Variants in UNC80 observed in about 807,000 individuals in gnomAD.
UNC80 encodes the protein unc-80 subunit of NALCN channel complex, also known as protein unc-80 homolog.
In UNC80, 164 loss-of-function variants were observed where a neutral mutation model predicts 384.6. The ratio of observed to expected loss-of-function variants is 0.43; its 90% confidence interval spans 0.38 to 0.49. UNC80 has a LOEUF of 0.49. Among genes scored for constraint, UNC80 ranks in the 20% least tolerant of loss-of-function variants. The probability of loss-of-function intolerance (pLI) is 0.00; values close to 1 mark genes in which losing one functional copy is unlikely to be tolerated. For missense variants in UNC80, 3,330 were observed against 4,143.0 expected, an observed-to-expected ratio of 0.80 and a Z score of 5.39; for synonymous variants, 1,486 against 1,527.8, an observed-to-expected ratio of 0.97 and a Z score of 0.64.
Position 209,843,536 on chromosome 2 carries a change from T to C in UNC80, c.3454+1090T>C, listed in dbSNP as rs74970055. On this transcript the variant is annotated intron_variant, in intron 21 of 64. Transcript: ENST00000673920. ...TGAGGAGAATCCATTTTCAATCCTT[T>C]TACACTCTTTCCACTCCTCTTTGAG... Among the ~76,000 whole-genome samples, 205 of 151,976 alleles carry C rather than the reference T, an allele frequency of 1.3e-3. 1 individual carries two copies. In the East Asian group the frequency reaches 0.021, roughly 15 times the overall value.
At position 209,826,045 on chromosome 2, in the gene UNC80, C is replaced by G; in HGVS notation, c.2470C>G (p.Arg824Gly). 6.5e-7 allele frequency: 1 copy of G among 1,548,170 alleles called. No homozygotes were observed. Among genetic ancestry groups the G allele is most frequent in the Non-Finnish European group, 8.7e-7 (1 of 1,145,580 alleles). ...SGDRLRHQVF[R>G]ENAQNCLTKL... ...AGATCGTCTGAGACACCAGGTATTC[C>G]GAGAGAATGTAAGAGAATTAAAGTA... The change falls in exon 14 of 65, where the codon CGA becomes GGA. Residue 824 changes from arginine to glycine, a missense_variant. Physicochemically the swap from Arg to Gly is moderately radical, Grantham distance 125. Transcript: ENST00000673920.
chr2:209,901,527 A>G (rs1305886972), intron 28 of UNC80, among the ~76,000 whole-genome samples: 1 of 152,194 alleles, frequency 6.6e-6, no homozygotes, highest in African/African-American at 2.4e-5. Context: ...GCTCTGATGG[A>G]AGTGTGCAAG....
At position 209,811,719 on chromosome 2, in the gene UNC80, C is replaced by G. The variant is rs1357932814; in HGVS notation, c.939-1861C>G. Among the ~76,000 whole-genome samples the G allele has an allele frequency of 1.3e-5, 2 of 152,058 alleles. 1 individual carries two copies. On this transcript the variant is annotated intron_variant, in intron 7 of 64. Coordinates refer to ENST00000673920, the MANE Select transcript of UNC80 (RefSeq NM_001371986.1). The stretch of plus-strand genomic sequence containing the variant: ...CAGTTTATATTTATTTCCTACTTGT[C>G]AAAATATTCAAGAATATTAGACTGT...
At chr2:209,883,225 T>G (rs1252258578) in intron 25 of UNC80, among the ~76,000 whole-genome samples, 1 of 152,168 alleles carries the variant, frequency 6.6e-6, no homozygotes, top group African/African-American at 2.4e-5. Flanking sequence ...TTTCTATTTT[T>G]AAATTGTGGT....
At chr2:209,932,419 A>G (rs1310391771) in intron 38 of UNC80, among the ~76,000 whole-genome samples, 1 of 152,106 alleles carries the variant, frequency 6.6e-6, no homozygotes, top group East Asian at 1.9e-4. Flanking sequence ...GCCCTGCCAA[A>G]TTTACACTCC....
At chr2:209,875,350 A>G (rs1163591550) in intron 23 of UNC80, among the ~76,000 whole-genome samples, 2 of 152,164 alleles carry the variant, frequency 1.3e-5, no homozygotes, top group Non-Finnish European at 2.9e-5. Context: ...TGCTCAGACC[A>G]TTCCAAGATT....
intron 22 of UNC80, among the ~76,000 whole-genome samples, chr2:209,861,757 C>G (rs1023941422): frequency 1.3e-5 from 2 of 152,104 alleles, no homozygotes; most frequent in African/African-American, 4.8e-5. Flanking sequence ...GTGGTTTAGT[C>G]TTGGGAGGGC....
In UNC80 at chr2:209,959,655, G is replaced by A. The variant is rs1377472663; in HGVS notation, c.7753G>A (p.Gly2585Arg). 1.3e-6 allele frequency: 2 copies of A among 1,551,670 alleles called. No homozygotes were observed. Among genetic ancestry groups the A allele is most frequent in the Non-Finnish European group, 1.7e-6 (2 of 1,146,984 alleles). ...PRLKILQNLA[G>R]EPRVIALELL... Reference sequence around the variant, plus strand: ...GCTGAAGATCTTGCAAAATCTGGCTGGGGAGCCTCGGGTCATTGCCTTGGA... The same window carrying A: ...GCTGAAGATCTTGCAAAATCTGGCTAGGGAGCCTCGGGTCATTGCCTTGGA... The change falls in exon 51 of 65, where the codon GGG becomes AGG. Residue 2585 changes from glycine (G) to arginine (R), a missense_variant. Coordinates refer to ENST00000673920, the MANE Select transcript of UNC80 (RefSeq NM_001371986.1).
At chr2:209,850,976 G>T (rs1006712914) in intron 22 of UNC80, among the ~76,000 whole-genome samples, 1 of 151,766 alleles carries the variant, frequency 6.6e-6, no homozygotes, top group Non-Finnish European at 1.5e-5. Flanking sequence ...TGTTCCCAAA[G>T]GAGCAGATTA....
At chr2:209,804,653 T>C (rs2078772673) in intron 7 of UNC80, among the ~76,000 whole-genome samples, 1 of 151,898 alleles carries the variant, frequency 6.6e-6, no homozygotes, top group Non-Finnish European at 1.5e-5. Context: ...TCTAAGAAAC[T>C]TAAGTGCCCT....
Position 209,917,893 on chromosome 2 carries a change from A to G in UNC80, c.5146A>G (p.Thr1716Ala), listed in dbSNP as rs1277506996. 6.4e-7 allele frequency: 1 copy of G among 1,551,762 alleles called. No individual in the cohort carries two copies. Among genetic ancestry groups the G allele is most frequent in the Non-Finnish European group, 8.7e-7 (1 of 1,146,998 alleles). ...GCTGAACGCTGTCCTCAAGTTCCAC[A>G]CGCTCTGGAGGTTTCGCTATCAGGT... ...QRLNAVLKFHTLWRFRYQVWP... is the reference protein window; with the variant it reads ...QRLNAVLKFHALWRFRYQVWP... Residue 1716 changes from threonine to alanine, a missense_variant, in exon 32 of 65, where the codon ACG (threonine) becomes GCG (alanine). Coordinates refer to ENST00000673920, the MANE Select transcript of UNC80 (RefSeq NM_001371986.1).
At chr2:209,847,296 A>G (rs2082237984) in intron 21 of UNC80, among the ~76,000 whole-genome samples, 1 of 152,072 alleles carries the variant, frequency 6.6e-6, no homozygotes, top group Non-Finnish European at 1.5e-5. Context: ...CAAAAAATAA[A>G]GAAAATTAAT....
chr2:209,871,744 A>G (rs898710976), intron 22 of UNC80, among the ~76,000 whole-genome samples: 2 of 151,938 alleles, frequency 1.3e-5, no homozygotes, highest in African/African-American at 4.8e-5. Context: ...AAAATCTTTC[A>G]AAGATTTCAG....
At chr2:209,939,217 C>T (rs960852503) in intron 42 of UNC80, among the ~76,000 whole-genome samples, 6 of 152,120 alleles carry the variant, frequency 3.9e-5, no homozygotes, top group Admixed American at 2.0e-4. Flanking sequence ...GCCTTATGCT[C>T]CTCTCCAGCC....
chr2:209,823,217 A>G (rs1344852610), intron 13 of UNC80, among the ~76,000 whole-genome samples: 2 of 152,210 alleles, frequency 1.3e-5, no homozygotes, highest in Non-Finnish European at 2.9e-5. Flanking sequence ...AAGTTGCTAC[A>G]TCTTTCTGAA....
chr2:209,864,684 T>G (rs1270643663), intron 22 of UNC80, among the ~76,000 whole-genome samples: 1 of 152,206 alleles, frequency 6.6e-6, no homozygotes, highest in Non-Finnish European at 1.5e-5. Context: ...GGACTTGTCT[T>G]GGGACCAAGC....
intron 22 of UNC80, among the ~76,000 whole-genome samples, chr2:209,867,257 A>T (rs184342212): frequency 2.7e-4 from 41 of 152,298 alleles, no homozygotes; most frequent in Non-Finnish European, 4.7e-4. Context: ...GAGCTAAGGA[A>T]TTTATTTTAT....
intron 52 of UNC80, chr2:209,968,593 T>C (rs1399717062): frequency 6.6e-6 from 1 of 152,198 alleles, no homozygotes; most frequent in African/African-American, 2.4e-5. Flanking sequence ...CTATACATTA[T>C]TTCAAGGTTA....
chr2:209,994,558 A>C (rs2125035263), intron 64 of UNC80, among the ~76,000 whole-genome samples: 1 of 152,334 alleles, frequency 6.6e-6, no homozygotes, highest in African/African-American at 2.4e-5. Flanking sequence ...CAGGTTGAGC[A>C]TCCCTAATAC....
Sources: gnomAD v4.1 joint callset for allele counts (sites outside exome capture counted in the v4.1 genomes callset) on GRCh38, gnomAD v4.1.1 for gene constraint, MANE v1.5 for transcripts, NCBI Gene and HGNC (gene_info 2026-07-23, HGNC 2026-07-21) for gene names.